Variants in EZH2 observed in about 807,000 individuals in gnomAD.
EZH2 encodes the protein enhancer of zeste 2 polycomb repressive complex 2 subunit.
Under a neutral mutation model 98.4 loss-of-function variants are expected in EZH2, and 18 were observed. The ratio of observed to expected loss-of-function variants is 0.18; its 90% confidence interval spans 0.13 to 0.27. The LOEUF is 0.27. EZH2 is among the 10% of genes least tolerant of loss of function. EZH2 has a pLI of 1.00. For missense variants in EZH2, 470 were observed against 935.1 expected (o/e 0.50, Z 6.49); for synonymous variants, 338 against 312.3 (o/e 1.08, Z -0.87).
chr7:148,824,515 G>A (rs1188442097), intron 8 of EZH2, among the ~76,000 whole-genome samples: 1 of 152,112 alleles, frequency 6.6e-6, no homozygotes, highest in Non-Finnish European at 1.5e-5. Flanking sequence ...ATCCAGTACA[G>A]TGGCATGCTG....
At chr7:148,871,945 T>G (rs902421845) in intron 1 of EZH2, among the ~76,000 whole-genome samples, 5 of 152,258 alleles carry the variant, frequency 3.3e-5, no homozygotes, top group Admixed American at 2.6e-4. Context: ...AGTTCAAAGC[T>G]GTGTTGTTCA....
At chr7:148,883,780 G>C (rs1821383692) in intron 1 of EZH2, among the ~76,000 whole-genome samples, 1 of 150,924 alleles carries the variant, frequency 6.6e-6, no homozygotes, top group African/African-American at 2.4e-5. Flanking sequence ...CCGCGGCCGC[G>C]CCACACAAAG....
rs5888341 is a variant in EZH2, at chr7:148,809,662, CAA to C, written c.2030-274_2030-273del. ...ACATACATTACTGAGCAAAACATAG[CAA>C]AAAAAAAAAAAAATCTGACAAAATT... On this transcript the variant is annotated intron_variant, in intron 17 of 19. Coordinates refer to ENST00000320356, the MANE Select transcript of EZH2 (RefSeq NM_004456.5). Among the ~76,000 whole-genome samples, 507 of 142,302 alleles carry C rather than the reference CAA, an allele frequency of 3.6e-3. 2 individuals are homozygous for C. The highest frequency in any genetic ancestry group is 7.4e-3 in the African/African-American group (290 of 39,286). The allele number at this position is 142,302 out of a possible 152,430, so 93.4% of individuals were successfully genotyped here.
chr7:148,810,120 C>T (rs763644978), intron 17 of EZH2: 1 of 437,110 alleles, frequency 2.3e-6, no homozygotes, highest in Non-Finnish European at 4.2e-6. Flanking sequence ...ACAGCCGGGA[C>T]TCCAGAGAGG....
At chr7:148,813,239 C>A (rs913875729) in intron 15 of EZH2, among the ~76,000 whole-genome samples, 24 of 152,046 alleles carry the variant, frequency 1.6e-4, no homozygotes, top group African/African-American at 5.1e-4. Flanking sequence ...TCCACTAAAG[C>A]ACTCACAACA....
chr7:148,824,328 A>G (rs901743942), intron 8 of EZH2, among the ~76,000 whole-genome samples: 23 of 151,364 alleles, frequency 1.5e-4, no homozygotes, highest in African/African-American at 4.9e-4. Flanking sequence ...AAAAAAAAAA[A>G]ACAACAACAA....
At chr7:148,827,362 G>T in intron 6 of EZH2, 96 bp from the exon 7 acceptor site, 2 of 821,362 alleles carry the variant, frequency 2.4e-6, no homozygotes, top group South Asian at 1.9e-5. Flanking sequence ...TAACAAAGCT[G>T]ATTTTCTAAG....
chr7:148,822,814 C>T (rs907812606), intron 8 of EZH2, among the ~76,000 whole-genome samples: 3 of 151,426 alleles, frequency 2.0e-5, no homozygotes, highest in African/African-American at 4.9e-5. Context: ...AGGTGGTGCG[C>T]GCCTGTAATC....
intron 1 of EZH2, among the ~76,000 whole-genome samples, chr7:148,849,843 G>C (rs1213754898): frequency 6.6e-6 from 1 of 152,168 alleles, no homozygotes; most frequent in African/African-American, 2.4e-5. Context: ...CTAGGAACTA[G>C]AAAGAAAAGG....
chr7:148,878,215 A>C (rs1328710902), intron 1 of EZH2, among the ~76,000 whole-genome samples: 1 of 152,206 alleles, frequency 6.6e-6, no homozygotes, highest in Non-Finnish European at 1.5e-5. Context: ...ATCCATCTCC[A>C]GAATTTTTTC....
intron 16 of EZH2, among the ~76,000 whole-genome samples, chr7:148,811,015 G>A (rs1802914818): frequency 6.6e-6 from 1 of 151,714 alleles, no homozygotes; most frequent in Non-Finnish European, 1.5e-5. Flanking sequence ...TGACGTTGTT[G>A]TTTCTAGGTC....
intron 1 of EZH2, among the ~76,000 whole-genome samples, chr7:148,856,237 T>A (rs1816813812): frequency 1.3e-5 from 2 of 152,164 alleles, no homozygotes; most frequent in Admixed American, 6.5e-5. Context: ...TCTGTAATTC[T>A]GAAAATACTC....
chr7:148,863,941 A>C (rs1048503104), intron 1 of EZH2, among the ~76,000 whole-genome samples: 5 of 152,260 alleles, frequency 3.3e-5, no homozygotes, highest in African/African-American at 1.2e-4. Flanking sequence ...ATGAAAGTAC[A>C]GATGAGAAAG....
intron 16 of EZH2, 110 bp from the exon 17 acceptor site, chr7:148,810,524 A>G (rs890351559): frequency 6.2e-6 from 4 of 647,618 alleles, no homozygotes; most frequent in African/African-American, 3.6e-5. Flanking sequence ...AAAACGCAAC[A>G]AAAAGGGTCA....
chr7:148,876,741 T>C (rs1042593568), intron 1 of EZH2, among the ~76,000 whole-genome samples: 4 of 152,220 alleles, frequency 2.6e-5, no homozygotes, highest in African/African-American at 9.6e-5. Context: ...CAGCAAACTT[T>C]CTCTGTAAAG....
At chr7:148,875,953 G>C (rs1178911010) in intron 1 of EZH2, 3 of 152,068 alleles carry the variant, frequency 2.0e-5, no homozygotes, top group Non-Finnish European at 2.9e-5. Context: ...CCCAGGAGTT[G>C]GAAACCATCC....
At chr7:148,816,366 T>C (rs1469645000) in intron 12 of EZH2, among the ~76,000 whole-genome samples, 1 of 152,180 alleles carries the variant, frequency 6.6e-6, no homozygotes, top group Non-Finnish European at 1.5e-5. Context: ...ACACAGAACA[T>C]TTCATGATGT....
At chr7:148,810,896 C>CAAAAAAAAAAAAAA (rs924758768) in intron 16 of EZH2, among the ~76,000 whole-genome samples, 5 of 43,676 alleles carry the variant, frequency 1.1e-4, no homozygotes, top group African/African-American at 4.3e-4. Context: ...AACTCTGTCT[C>CAAAAAAAAAAAAAA]AAAAAAAAAA....
intron 1 of EZH2, among the ~76,000 whole-genome samples, chr7:148,874,927 G>A (rs1473678501): frequency 6.6e-6 from 1 of 151,080 alleles, no homozygotes; most frequent in African/African-American, 2.4e-5. Flanking sequence ...TTACTTGATT[G>A]TCAAAGTAGG....
Sources: gnomAD v4.1 joint callset for allele counts (sites outside exome capture counted in the v4.1 genomes callset) on GRCh38, gnomAD v4.1.1 for gene constraint, MANE v1.5 for transcripts, NCBI Gene and HGNC (gene_info 2026-07-23, HGNC 2026-07-21) for gene names.